The following RFC3 variants were observed in gnomAD, a reference collection of about 807,000 sequenced individuals.
RFC3 encodes the protein replication factor C subunit 3.
A neutral mutation model predicts 45.1 loss-of-function variants in RFC3; 41 were observed. The observed-to-expected ratio is 0.91, with a 90% confidence interval of 0.71 to 1.18. The LOEUF (loss-of-function observed/expected upper bound fraction) is 1.18. RFC3 is among the 50% of genes most tolerant of loss of function. The probability of loss-of-function intolerance (pLI) is 0.00; values close to 1 mark genes in which losing one functional copy is unlikely to be tolerated. For missense variants in RFC3, 423 were observed against 428.1 expected (o/e 0.99, Z 0.10); for synonymous variants, 149 against 144.0 (o/e 1.03, Z -0.25).
At chr13:33,935,385 A>T (rs2082879731) in intron 8 of RFC3, among the ~76,000 whole-genome samples, 1 of 152,212 alleles carries the variant, frequency 6.6e-6, no homozygotes, top group African/African-American at 2.4e-5. Context: ...TGTACTTGCA[A>T]ATAATATCCC....
chr13:33,830,584 G>T (rs1008563435), intron 5 of RFC3, 135 bp from the exon 6 acceptor site: 4 of 593,004 alleles, frequency 6.7e-6, no homozygotes, highest in Non-Finnish European at 1.1e-5. Context: ...AGAGTGGTAA[G>T]TTACTTTTAG....
At chr13:33,900,952 A>T (rs2082637348) in intron 8 of RFC3, among the ~76,000 whole-genome samples, 1 of 151,980 alleles carries the variant, frequency 6.6e-6, no homozygotes, top group South Asian at 2.1e-4. Context: ...AATGCTCAAC[A>T]TCACTAATCA....
chr13:33,876,808 A>G (rs996960948), intron 8 of RFC3, among the ~76,000 whole-genome samples: 4 of 152,224 alleles, frequency 2.6e-5, no homozygotes, highest in African/African-American at 9.6e-5. Flanking sequence ...ATGAACCTCT[A>G]TCTTATCTCT....
intron 8 of RFC3, among the ~76,000 whole-genome samples, chr13:33,894,051 G>A (rs763832110): frequency 3.3e-5 from 5 of 152,094 alleles, no homozygotes; most frequent in Non-Finnish European, 7.4e-5. Context: ...TCTTCCACTT[G>A]GAAAGACAAA....
chr13:33,926,968 G>A (rs1240845933), intron 8 of RFC3, among the ~76,000 whole-genome samples: 1 of 151,714 alleles, frequency 6.6e-6, no homozygotes, highest in East Asian at 1.9e-4. Context: ...CCAGAAAAAA[G>A]TGAAAACATG....
chr13:33,889,394 C>T (rs183240081), intron 8 of RFC3, among the ~76,000 whole-genome samples: 1 of 152,168 alleles, frequency 6.6e-6, no homozygotes, highest in East Asian at 1.9e-4. Flanking sequence ...AAACAAATAC[C>T]CTTTTTAAAA....
intron 8 of RFC3, among the ~76,000 whole-genome samples, chr13:33,878,357 C>T (rs1019655797): frequency 1.8e-4 from 27 of 152,020 alleles, no homozygotes; most frequent in African/African-American, 4.8e-4. Flanking sequence ...ATGAGATTAA[C>T]GAGCTTTGGA....
At chr13:33,944,476 G>A (rs1329657) in intron 8 of RFC3, among the ~76,000 whole-genome samples, 65,205 of 151,888 alleles carry the variant, frequency 0.43, 15,278 homozygotes, top group East Asian at 0.78. Context: ...ATGCAAGGAT[G>A]TGGAACCCAT....
At chr13:33,904,632 C>T (rs920180794) in intron 8 of RFC3, among the ~76,000 whole-genome samples, 1 of 152,046 alleles carries the variant, frequency 6.6e-6, no homozygotes, top group Non-Finnish European at 1.5e-5. Flanking sequence ...GACCAGATGG[C>T]TCTGAAAGCG....
chr13:33,860,774 G>A (rs1442026011), intron 8 of RFC3, among the ~76,000 whole-genome samples: 5 of 152,124 alleles, frequency 3.3e-5, no homozygotes, highest in African/African-American at 9.7e-5. Flanking sequence ...GCCAATTAAC[G>A]TCCCTTTAAA....
intron 8 of RFC3, among the ~76,000 whole-genome samples, chr13:33,854,086 A>G (rs2082294249): frequency 6.6e-6 from 1 of 152,224 alleles, no homozygotes; most frequent in Non-Finnish European, 1.5e-5. Context: ...AGAAATGTAG[A>G]TGTGACAATC....
chr13:33,914,724 A>G (rs978885289), intron 8 of RFC3, among the ~76,000 whole-genome samples: 1 of 152,196 alleles, frequency 6.6e-6, no homozygotes, highest in African/African-American at 2.4e-5. Flanking sequence ...AATCCCATTT[A>G]TGAATTCTAC....
chr13:33,904,359 T>C (rs2082659541), intron 8 of RFC3, among the ~76,000 whole-genome samples: 1 of 151,944 alleles, frequency 6.6e-6, no homozygotes, highest in Non-Finnish European at 1.5e-5. Context: ...AAACCCTGAG[T>C]TTTCTTATGA....
intron 1 of RFC3, among the ~76,000 whole-genome samples, chr13:33,820,076 C>T (rs1421418614): frequency 6.6e-6 from 1 of 152,158 alleles, no homozygotes; most frequent in East Asian, 1.9e-4. Context: ...TGGTTATTTA[C>T]AGAACTTCAC....
intron 8 of RFC3, among the ~76,000 whole-genome samples, chr13:33,893,410 CAAAG>C (rs2082575871): frequency 6.6e-6 from 1 of 151,954 alleles, no homozygotes; most frequent in Non-Finnish European, 1.5e-5. Flanking sequence ...AATATCTAGA[CAAAG>C]AAGACTGAAA....
intron 8 of RFC3, among the ~76,000 whole-genome samples, chr13:33,938,462 A>T (rs1469712567): frequency 6.6e-6 from 1 of 152,172 alleles, no homozygotes; most frequent in Admixed American, 6.5e-5. Flanking sequence ...ATTAAGAAGC[A>T]TATCATCATT....
At chr13:33,902,609 A>G (rs1180508150) in intron 8 of RFC3, among the ~76,000 whole-genome samples, 1 of 152,050 alleles carries the variant, frequency 6.6e-6, no homozygotes. Context: ...TGTTAAGCCT[A>G]TCAGTTATAC....
rs527537618 is a variant in RFC3 at position 33,924,080 on chromosome 13, G to C, written c.880-42007G>C. ...GGTTTTGAAAATCAAATTAAAAAGA[G>C]ACTAAATATAACTTGTAGAAAACCT... On this transcript the variant is annotated intron_variant, in intron 8 of 8. Transcript: ENST00000434425. 5.9e-5 allele frequency among the ~76,000 whole-genome samples: 9 copies of C among 152,188 alleles called. No individual in the cohort carries two copies. In the East Asian group the frequency reaches 1.7e-3, roughly 29 times the overall value.
At chr13:33,952,423 AT>A (rs755521415) in intron 8 of RFC3, among the ~76,000 whole-genome samples, 30 of 107,198 alleles carry the variant, frequency 2.8e-4, no homozygotes, top group Non-Finnish European at 5.2e-4. Context: ...TGAAATAGGA[AT>A]TTTTGGAAAG....
Sources: gnomAD v4.1 joint callset for allele counts (sites outside exome capture counted in the v4.1 genomes callset) on GRCh38, gnomAD v4.1.1 for gene constraint, MANE v1.5 for transcripts, NCBI Gene and HGNC (gene_info 2026-07-23, HGNC 2026-07-21) for gene names.